SMIM27: variants seen among roughly 807,000 people sequenced by gnomAD.
The protein encoded by SMIM27 is transition zone microprotein 1.
In SMIM27, 3 loss-of-function variants were observed where a neutral mutation model predicts 1.8. The observed-to-expected ratio is 1.65, with a 90% CI of 0.75 to 4.28. SMIM27 has a LOEUF of 4.28. Ranked by LOEUF, SMIM27 falls within the 30% of genes most tolerant of loss-of-function variation. SMIM27 has a pLI of 0.02. For synonymous variants in SMIM27, 19 were observed against 13.9 expected (o/e 1.37, Z -0.82); for missense variants, 63 against 37.0 (o/e 1.70, Z -1.83).
At chr9:32,566,672 C>T (rs1197957873) in exon 2 of SMIM27, 21 of 815,436 alleles carry the variant, frequency 2.6e-5, no homozygotes, top group Middle Eastern at 6.2e-4. Flanking sequence ...AACTCCGGAT[C>T]CGGCTTTCAC....
intron 1 of SMIM27, chr9:32,566,323 C>T (rs1294348419): frequency 1.4e-5 from 17 of 1,180,704 alleles, no homozygotes; most frequent in African/African-American, 3.0e-5. Flanking sequence ...TCTCTTCCAT[C>T]TTGTTCTTTA....
intron 1 of SMIM27, among the ~76,000 whole-genome samples, chr9:32,561,177 G>A (rs1374212582): frequency 6.6e-6 from 1 of 152,154 alleles, no homozygotes; most frequent in Non-Finnish European, 1.5e-5. Context: ...GAGAGAGTTT[G>A]TGTTGGTTTG....
intron 1 of SMIM27, among the ~76,000 whole-genome samples, chr9:32,562,747 C>T (rs1384126652): frequency 1.3e-5 from 2 of 152,308 alleles, no homozygotes; most frequent in African/African-American, 4.8e-5. Context: ...CTATCTCTAC[C>T]TGATCTAAAA....
chr9:32,559,843 A>ACT (rs1587640792), intron 1 of SMIM27, among the ~76,000 whole-genome samples: 3 of 152,062 alleles, frequency 2.0e-5, no homozygotes, highest in African/African-American at 7.2e-5. Context: ...GAGGGGAGGG[A>ACT]CTCAATCTGC....
At chr9:32,566,305 A>G in intron 1 of SMIM27, 1 of 1,179,900 alleles carries the variant, frequency 8.5e-7, no homozygotes. Flanking sequence ...AAATATTCCC[A>G]GTCCACTTCT....
chr9:32,566,665 T>G, exon 2 of SMIM27: 1 of 810,274 alleles, frequency 1.2e-6, no homozygotes, highest in East Asian at 2.4e-5. Context: ...CTCAGGTAAC[T>G]CCGGATCCGG....
downstream of SMIM27, chr9:32,553,939 A>G (rs1333570253): frequency 1.9e-6 from 3 of 1,588,616 alleles, no homozygotes; most frequent in Non-Finnish European, 2.6e-6. Context: ...CCAGAATTGT[A>G]TCACCCTAGG....
chr9:32,551,962 A>G (rs928482390), upstream of SMIM27, among the ~76,000 whole-genome samples: 4 of 152,116 alleles, frequency 2.6e-5, no homozygotes, highest in Non-Finnish European at 4.4e-5. Context: ...ACGTCCATCT[A>G]AATCGTGTGG....
chr9:32,557,818 C>T (rs939984286), downstream of SMIM27, among the ~76,000 whole-genome samples: 6 of 152,256 alleles, frequency 3.9e-5, no homozygotes, highest in South Asian at 4.1e-4. Context: ...CAACTGGGAC[C>T]GCTGGCCAGT....
At chr9:32,562,429 G>T (rs773823213) in intron 1 of SMIM27, among the ~76,000 whole-genome samples, 1 of 152,132 alleles carries the variant, frequency 6.6e-6, no homozygotes, top group East Asian at 1.9e-4. Context: ...TTATGTTGGG[G>T]GCAGGGGTGT....
At chr9:32,562,052 C>T (rs1821641240) in intron 1 of SMIM27, among the ~76,000 whole-genome samples, 1 of 152,190 alleles carries the variant, frequency 6.6e-6, no homozygotes. Context: ...ACTTTCAACA[C>T]CTTCCATAAA....
chr9:32,553,937 G>A (rs143339409), downstream of SMIM27: 1,007 of 1,589,258 alleles, frequency 6.3e-4, 1 homozygote, highest in Non-Finnish European at 7.4e-4. Flanking sequence ...CTCCAGAATT[G>A]TATCACCCTA....
intron 1 of SMIM27, among the ~76,000 whole-genome samples, chr9:32,564,546 AAT>A (rs1168689908): frequency 1.3e-5 from 2 of 152,322 alleles, no homozygotes; most frequent in African/African-American, 4.8e-5. Context: ...CATGTCATTA[AAT>A]AAATGCCCAT....
chr9:32,565,576 A>G (rs1419209872), intron 1 of SMIM27: 1 of 152,280 alleles, frequency 6.6e-6, no homozygotes, highest in Non-Finnish European at 1.5e-5. Context: ...GAACAGAAGA[A>G]TTCCTCAGCT....
intron 1 of SMIM27, among the ~76,000 whole-genome samples, chr9:32,564,662 C>T (rs1164621843): frequency 1.3e-5 from 2 of 152,084 alleles, no homozygotes; most frequent in African/African-American, 4.8e-5. Flanking sequence ...TTCAGATCAG[C>T]GTTTCCTTCC....
chr9:32,562,573 C>T (rs1215728647), intron 1 of SMIM27, among the ~76,000 whole-genome samples: 1 of 152,196 alleles, frequency 6.6e-6, no homozygotes, highest in Non-Finnish European at 1.5e-5. Context: ...TAATTTTAAA[C>T]TTACATAAAG....
At chr9:32,556,587 G>C (rs932087247), downstream of SMIM27, among the ~76,000 whole-genome samples, 2 of 152,138 alleles carry the variant, frequency 1.3e-5, no homozygotes, top group African/African-American at 2.4e-5. Flanking sequence ...ACAGAAACAA[G>C]AAAGAACCAC....
At chr9:32,555,095 CA>C (rs11391859), downstream of SMIM27, among the ~76,000 whole-genome samples, 123 of 138,412 alleles carry the variant, frequency 8.9e-4, no homozygotes, top group Admixed American at 1.3e-3. Context: ...TGTTCCTGAC[CA>C]AAAAAAAAAA....
At chr9:32,552,516 C>T (rs568630502) in intron 1 of SMIM27, 37 bp downstream of exon 1, 4 of 1,558,122 alleles carry the variant, frequency 2.6e-6, no homozygotes, top group South Asian at 1.2e-5. Context: ...ACCGTGTCGA[C>T]TCACTGGGCC....
Sources: gnomAD v4.1 joint callset for allele counts (sites outside exome capture counted in the v4.1 genomes callset) on GRCh38, gnomAD v4.1.1 for gene constraint, MANE v1.5 for transcripts, NCBI Gene and HGNC (gene_info 2026-07-23, HGNC 2026-07-21) for gene names.